The following BCOR variants were observed in gnomAD, a reference collection of about 807,000 sequenced individuals.
The protein encoded by BCOR is BCL-6 corepressor.
Under a neutral mutation model 86.7 loss-of-function variants are expected in BCOR, and 10 were observed. That is an observed-to-expected ratio of 0.12 (90% CI 0.07 to 0.20). The LOEUF (loss-of-function observed/expected upper bound fraction) is 0.20, where lower values mean the gene tolerates loss of function less well. Among genes scored for constraint, BCOR ranks in the 10% least tolerant of loss-of-function variants. The pLI, the probability that BCOR is intolerant of heterozygous loss-of-function variation, is 1.00. For synonymous variants in BCOR, 611 were observed against 609.0 expected (o/e 1.00, Z -0.05); for missense variants, 1,259 against 1,452.1 (o/e 0.87, Z 2.16).
In BCOR at chrX:40,175,638, C is replaced by T. The variant is rs750963510; in HGVS notation, c.-41+1369G>A. On this transcript the variant is annotated intron_variant, in intron 1 of 14. Transcript: ENST00000342274. Reference sequence around the variant, plus strand: ...GGGGGATGCAAATGGCGTCTCGCGTCGTCCTAGACTCCGCGCAGCACCCGC... The same window carrying T: ...GGGGGATGCAAATGGCGTCTCGCGTTGTCCTAGACTCCGCGCAGCACCCGC... Among the ~76,000 whole-genome samples, 6 of 112,805 alleles carry T rather than the reference C, an allele frequency of 5.3e-5. No individual in the cohort carries two copies. The East Asian group carries it at 1.7e-3, about 32-fold the overall frequency.
At chrX:40,124,377 A>G (rs1471205204) in intron 1 of BCOR, among the ~76,000 whole-genome samples, 5 of 108,955 alleles carry the variant, frequency 4.6e-5, no homozygotes, top group African/African-American at 1.7e-4. Context: ...GGCTCAAGCA[A>G]TCCTCCCGCC....
At chrX:40,107,448 G>A (rs1052955065) in intron 1 of BCOR, among the ~76,000 whole-genome samples, 2 of 112,229 alleles carry the variant, frequency 1.8e-5, no homozygotes, top group Admixed American at 1.9e-4. Flanking sequence ...AGCTCGACGC[G>A]CAAGCCGTGG....
intron 1 of BCOR, among the ~76,000 whole-genome samples, chrX:40,134,180 C>T (rs1937637464): frequency 9.3e-6 from 1 of 107,441 alleles, no homozygotes. Context: ...GGTAGAGGGA[C>T]TCACTGGGCT....
At chrX:40,135,545 A>G (rs1479622306) in intron 1 of BCOR, among the ~76,000 whole-genome samples, 4 of 111,026 alleles carry the variant, frequency 3.6e-5, no homozygotes, top group African/African-American at 1.3e-4. Context: ...GTGTACCACC[A>G]TACCTGGCTA....
At chrX:40,118,013 A>T (rs1602236959) in intron 1 of BCOR, among the ~76,000 whole-genome samples, 1 of 58,972 alleles carries the variant, frequency 1.7e-5, no homozygotes. Flanking sequence ...CTCCCTCCCT[A>T]TCTGTCTTCT....
At chrX:40,159,533 G>T (rs1368465351) in intron 1 of BCOR, among the ~76,000 whole-genome samples, 4 of 108,636 alleles carry the variant, frequency 3.7e-5, no homozygotes, top group African/African-American at 1.0e-4. Context: ...TGTATTTTTA[G>T]TAGAGACGGG....
intron 1 of BCOR, among the ~76,000 whole-genome samples, chrX:40,121,300 A>T: frequency 9.1e-6 from 1 of 110,414 alleles, no homozygotes. Flanking sequence ...CGATCCCTCC[A>T]CCCGCTTCAC....
At chrX:40,088,177 A>T (rs1936440881) in intron 1 of BCOR, among the ~76,000 whole-genome samples, 1 of 109,863 alleles carries the variant, frequency 9.1e-6, no homozygotes, top group African/African-American at 3.3e-5. Flanking sequence ...CCCCACCTTC[A>T]CCCCCCACTC....
At chrX:40,055,017 G>A (rs139238046) in intron 12 of BCOR, among the ~76,000 whole-genome samples, 57 of 112,226 alleles carry the variant, frequency 5.1e-4, no homozygotes, top group African/African-American at 1.6e-3. Context: ...TAAGTAATGG[G>A]TTATCTGATG....
intron 14 of BCOR, among the ~76,000 whole-genome samples, 156 bp from the exon 15 acceptor site, chrX:40,052,556 T>G (rs1004948754): frequency 5.1e-5 from 2 of 39,296 alleles, no homozygotes; most frequent in Non-Finnish European, 8.9e-5. Flanking sequence ...CTGATCACCA[T>G]TTTTTTTTTT....
chrX:40,091,748 C>T (rs1365180918), intron 1 of BCOR, among the ~76,000 whole-genome samples: 5 of 113,229 alleles, frequency 4.4e-5, no homozygotes, highest in African/African-American at 1.6e-4. Context: ...CATTTACTCC[C>T]GCCCCGGCGG....
chrX:40,171,953 C>T (rs73468257), intron 1 of BCOR, among the ~76,000 whole-genome samples: 59 of 112,955 alleles, frequency 5.2e-4, no homozygotes, highest in African/African-American at 1.7e-3. Flanking sequence ...CAGAGCCTCT[C>T]TCAACGCCGG....
chrX:40,080,356 G>A (rs756959606), intron 1 of BCOR, among the ~76,000 whole-genome samples: 7 of 110,921 alleles, frequency 6.3e-5, no homozygotes, highest in South Asian at 3.8e-4. Context: ...CAGGAGAATC[G>A]CTGGAACCTG....
chrX:40,120,534 GCTTCTCAC>G (rs1203309510), intron 1 of BCOR, among the ~76,000 whole-genome samples: 1 of 111,590 alleles, frequency 9.0e-6, no homozygotes, highest in Non-Finnish European at 1.9e-5. Context: ...GCCTAGCACA[GCTTCTCAC>G]CTACGCCATG....
At chrX:40,088,679 A>G (rs892380758) in intron 1 of BCOR, among the ~76,000 whole-genome samples, 1 of 112,081 alleles carries the variant, frequency 8.9e-6, no homozygotes, top group Admixed American at 9.4e-5. Context: ...TTTTAAATAC[A>G]TATTGATATA....
upstream of BCOR, among the ~76,000 whole-genome samples, chrX:40,097,980 A>C (rs1307244299): frequency 3.8e-5 from 4 of 105,158 alleles, no homozygotes; most frequent in East Asian, 9.3e-4. Context: ...CCGCGATCCC[A>C]ACGCGTCCCC....
intron 1 of BCOR, among the ~76,000 whole-genome samples, chrX:40,104,114 C>T (rs1444200983): frequency 9.0e-6 from 1 of 111,046 alleles, no homozygotes; most frequent in African/African-American, 3.3e-5. Flanking sequence ...TGAATAAAAC[C>T]AGGGATGCGT....
intron 1 of BCOR, among the ~76,000 whole-genome samples, chrX:40,095,853 C>G (rs1279868348): frequency 9.1e-6 from 1 of 109,632 alleles, no homozygotes; most frequent in Non-Finnish European, 1.9e-5. Context: ...GCAAATTACG[C>G]CTCGCCCGGC....
At chrX:40,115,324 C>T (rs777430742) in intron 1 of BCOR, among the ~76,000 whole-genome samples, 1 of 112,205 alleles carries the variant, frequency 8.9e-6, no homozygotes, top group South Asian at 3.7e-4. Flanking sequence ...CCTTCTGGGC[C>T]CATCCTGGCA....
Sources: allele counts gnomAD v4.1 joint callset (sites outside exome capture counted in the v4.1 genomes callset), GRCh38; gene constraint gnomAD v4.1.1; transcripts MANE v1.5; gene names NCBI Gene and HGNC (gene_info 2026-07-23, HGNC 2026-07-21).